Variants in DLGAP1 observed in about 807,000 individuals in gnomAD.
The protein encoded by DLGAP1 is disks large-associated protein 1.
In DLGAP1, 11 loss-of-function variants were observed where a neutral mutation model predicts 90.8. The observed-to-expected ratio is 0.12, with a 90% CI of 0.08 to 0.20. The LOEUF (loss-of-function observed/expected upper bound fraction) is 0.20, where lower values mean the gene tolerates loss of function less well. DLGAP1 is among the 10% of genes least tolerant of loss of function. The probability of loss-of-function intolerance (pLI) is 1.00; values close to 1 mark genes in which losing one functional copy is unlikely to be tolerated. For missense variants in DLGAP1, 1,050 were observed against 1,333.8 expected (o/e 0.79, Z 3.31); for synonymous variants, 558 against 540.7 (o/e 1.03, Z -0.44).
At chr18:4,305,546 A>C (rs2080230517) in intron 1 of DLGAP1, among the ~76,000 whole-genome samples, 1 of 151,818 alleles carries the variant, frequency 6.6e-6, no homozygotes. Context: ...AAAAAAAAAA[A>C]AAAAAGGAAA....
At chr18:3,573,898 C>T (rs960309820) in intron 8 of DLGAP1, among the ~76,000 whole-genome samples, 9 of 152,084 alleles carry the variant, frequency 5.9e-5, no homozygotes, top group Admixed American at 1.3e-4. Flanking sequence ...GACAAGGTCT[C>T]GTTATGTTGC....
intron 1 of DLGAP1, among the ~76,000 whole-genome samples, chr18:4,344,042 A>G (rs1357540063): frequency 6.6e-6 from 1 of 152,222 alleles, no homozygotes; most frequent in Middle Eastern, 3.2e-3. Flanking sequence ...GAGATTTTGA[A>G]TGTATGAATA....
intron 3 of DLGAP1, among the ~76,000 whole-genome samples, chr18:3,987,116 A>T (rs1002965803): frequency 6.6e-6 from 1 of 152,076 alleles, no homozygotes; most frequent in African/African-American, 2.4e-5. Flanking sequence ...GAATGAGAGC[A>T]TTTACCTCCC....
intron 5 of DLGAP1, among the ~76,000 whole-genome samples, chr18:3,785,169 AACAAATT>A (rs1446381435): frequency 7.9e-5 from 12 of 152,216 alleles, no homozygotes; most frequent in African/African-American, 2.9e-4. Flanking sequence ...TTGCTGCTGT[AACAAATT>A]ACCACAAGCT....
intron 2 of DLGAP1, among the ~76,000 whole-genome samples, chr18:4,006,196 A>G (rs1453708126): frequency 6.6e-6 from 1 of 152,186 alleles, no homozygotes; most frequent in Non-Finnish European, 1.5e-5. Flanking sequence ...TTCTCTTGCC[A>G]TTTTGATTAC....
intron 1 of DLGAP1, among the ~76,000 whole-genome samples, chr18:4,297,572 G>A (rs2080013944): frequency 6.6e-6 from 1 of 152,100 alleles, no homozygotes; most frequent in Admixed American, 6.5e-5. Context: ...ATGATCCTGA[G>A]CCTCTGAGCA....
chr18:4,034,221 T>C (rs2074851609), intron 2 of DLGAP1, among the ~76,000 whole-genome samples: 1 of 151,808 alleles, frequency 6.6e-6, no homozygotes, highest in South Asian at 2.1e-4. Context: ...TTTGTATTTT[T>C]AGTAGAGATG....
chr18:4,385,795 G>A (rs913945293), intron 1 of DLGAP1, among the ~76,000 whole-genome samples: 11 of 152,226 alleles, frequency 7.2e-5, no homozygotes, highest in East Asian at 1.9e-4. Context: ...CTTTAGTTAC[G>A]AATAATTTCA....
rs191292965 is a variant in DLGAP1, at chr18:4,408,194, G to C, written c.-267+46812C>G. On this transcript the variant is annotated intron_variant, in intron 1 of 12. Coordinates refer to ENST00000315677, the MANE Select transcript of DLGAP1 (RefSeq NM_004746.4). Reference sequence around the variant, plus strand: ...TCCAAAGAAAAGTTATTCTTGATCAGAGTCTTCCCAAAAGGGTCGATATTT... The same window carrying C: ...TCCAAAGAAAAGTTATTCTTGATCACAGTCTTCCCAAAAGGGTCGATATTT... 1.1e-4 allele frequency among the ~76,000 whole-genome samples: 17 copies of C among 152,120 alleles called. No homozygotes were observed. The East Asian group carries it at 2.9e-3, about 26-fold the overall frequency.
intron 2 of DLGAP1, among the ~76,000 whole-genome samples, chr18:4,047,070 T>C (rs1191619863): frequency 1.3e-5 from 2 of 152,240 alleles, no homozygotes; most frequent in African/African-American, 4.8e-5. Flanking sequence ...CTTACTTCAA[T>C]GTTGAATTTC....
intron 3 of DLGAP1, among the ~76,000 whole-genome samples, chr18:3,881,977 G>T (rs2148831780): frequency 6.6e-6 from 1 of 152,310 alleles, no homozygotes; most frequent in African/African-American, 2.4e-5. Flanking sequence ...GTATCTTTAG[G>T]ATATCTCTGT....
chr18:3,600,690 C>CTATATAGATATATATATA (rs1490637191), intron 7 of DLGAP1, among the ~76,000 whole-genome samples: 1 of 59,788 alleles, frequency 1.7e-5, no homozygotes, highest in African/African-American at 8.1e-5. Context: ...CTATAGAGAT[C>CTATATAGATATATATATA]TATATAGATA....
intron 9 of DLGAP1, among the ~76,000 whole-genome samples, chr18:3,552,023 G>C: frequency 6.6e-6 from 1 of 150,754 alleles, no homozygotes; most frequent in African/African-American, 2.4e-5. Flanking sequence ...GCCTAGACTG[G>C]TCTTGAACTC....
chr18:3,513,215 C>T (rs2050644987), intron 10 of DLGAP1, among the ~76,000 whole-genome samples: 1 of 152,210 alleles, frequency 6.6e-6, no homozygotes, highest in Non-Finnish European at 1.5e-5. Context: ...CCTTCTTTTT[C>T]AAAGCTGAAT....
At chr18:3,707,102 C>T (rs1023726539) in intron 7 of DLGAP1, among the ~76,000 whole-genome samples, 3 of 152,038 alleles carry the variant, frequency 2.0e-5, no homozygotes, top group African/African-American at 7.2e-5. Context: ...AAGCCAAGAT[C>T]TAGTATTTGT....
At chr18:3,868,656 C>A (rs904918894) in intron 4 of DLGAP1, among the ~76,000 whole-genome samples, 10 of 152,116 alleles carry the variant, frequency 6.6e-5, no homozygotes, top group African/African-American at 2.4e-4. Flanking sequence ...ATGTATTAAA[C>A]CCTTCCTGTG....
rs2061610561 is a variant in DLGAP1, at chr18:3,711,994, G to C, written c.1591+17141C>G. Reference sequence around the variant, plus strand: ...CATGAGTCCTAACAAACTATTCCTGGGTTCTGGCTAGAGGTATTTTTGTGA... The same window carrying C: ...CATGAGTCCTAACAAACTATTCCTGCGTTCTGGCTAGAGGTATTTTTGTGA... On this transcript the variant is annotated intron_variant, in intron 7 of 12. Coordinates refer to ENST00000315677, the MANE Select transcript of DLGAP1 (RefSeq NM_004746.4). This position sits in a 1 kb window ranked among gnomAD's most constrained non-coding sequence, Gnocchi z 4.0. Among the ~76,000 whole-genome samples, 1 of 152,182 alleles carries C rather than the reference G, an allele frequency of 6.6e-6. No individual in the cohort carries two copies. The highest frequency in any genetic ancestry group is 2.4e-5 in the African/African-American group (1 of 41,434).
At chr18:4,041,554 G>A (rs879904186) in intron 2 of DLGAP1, among the ~76,000 whole-genome samples, 2 of 152,032 alleles carry the variant, frequency 1.3e-5, no homozygotes, top group African/African-American at 4.8e-5. Context: ...TGATACTCCC[G>A]AAAGAAACAT....
intron 1 of DLGAP1, among the ~76,000 whole-genome samples, chr18:4,276,785 T>C (rs2079427291): frequency 6.6e-6 from 1 of 152,254 alleles, no homozygotes; most frequent in African/African-American, 2.4e-5. Context: ...TAATATCTGG[T>C]ACTCTAAATT....
Sources: gnomAD v4.1 joint callset for allele counts (sites outside exome capture counted in the v4.1 genomes callset) on GRCh38, gnomAD v4.1.1 for gene constraint, Gnocchi (gnomAD v3.1) non-coding constraint, MANE v1.5 for transcripts, NCBI Gene and HGNC (gene_info 2026-07-23, HGNC 2026-07-21) for gene names.